Variants in LHX4 observed in about 807,000 individuals in gnomAD.
LHX4 encodes LIM homeobox 4, also known as LIM/homeobox protein Lhx4.
Under a neutral mutation model 39.2 loss-of-function variants are expected in LHX4, and 16 were observed. That is an observed-to-expected ratio of 0.41 (90% CI 0.28 to 0.62). The LOEUF (loss-of-function observed/expected upper bound fraction) is 0.62, where lower values mean the gene tolerates loss of function less well. Among genes scored for constraint, LHX4 ranks in the 20% least tolerant of loss-of-function variants. LHX4 has a pLI of 0.33. For synonymous variants in LHX4, 206 were observed against 198.1 expected, an observed-to-expected ratio of 1.04 and a Z score of -0.33; for missense variants, 439 against 511.9, an observed-to-expected ratio of 0.86 and a Z score of 1.37.
upstream of LHX4, among the ~76,000 whole-genome samples, chr1:180,229,750 G>A (rs1252881111): frequency 6.6e-6 from 1 of 151,396 alleles, no homozygotes; most frequent in Admixed American, 6.6e-5. Context: ...CGGACCGCCT[G>A]CCCCGCTCGG....
chr1:180,250,757 T>A (rs1170264365), intron 2 of LHX4, among the ~76,000 whole-genome samples: 6 of 152,018 alleles, frequency 3.9e-5, no homozygotes. Context: ...TGGCTATGGT[T>A]TGGAAAGAGA....
At chr1:180,256,449 G>A (rs769748375) in intron 2 of LHX4, among the ~76,000 whole-genome samples, 54 of 152,194 alleles carry the variant, frequency 3.5e-4, no homozygotes, top group Admixed American at 5.2e-4. Context: ...GGTCTCTGGT[G>A]GGCACTGTGG....
intron 1 of LHX4, among the ~76,000 whole-genome samples, chr1:180,231,601 C>T (rs1406276524): frequency 6.7e-6 from 1 of 149,328 alleles, no homozygotes; most frequent in African/African-American, 2.5e-5. Context: ...AGAGTCCTGC[C>T]CCTGTGGCTT....
intron 2 of LHX4, among the ~76,000 whole-genome samples, chr1:180,252,575 G>C (rs1233685945): frequency 6.6e-6 from 1 of 152,174 alleles, no homozygotes; most frequent in Non-Finnish European, 1.5e-5. Flanking sequence ...CTAAGTTCCT[G>C]GATCAATACT....
intron 2 of LHX4, among the ~76,000 whole-genome samples, chr1:180,261,090 C>T (rs1277506502): frequency 6.6e-6 from 1 of 151,856 alleles, no homozygotes; most frequent in Non-Finnish European, 1.5e-5. Flanking sequence ...GGACTTAATG[C>T]CCTTCTTAGA....
chr1:180,252,685 C>T (rs1465733385), intron 2 of LHX4, among the ~76,000 whole-genome samples: 3 of 152,168 alleles, frequency 2.0e-5, no homozygotes, highest in South Asian at 2.1e-4. Context: ...CAGATCAATA[C>T]GGAGATACGG....
At chr1:180,259,128 G>GAGGAGC (rs1334651331) in intron 2 of LHX4, among the ~76,000 whole-genome samples, 1 of 152,020 alleles carries the variant, frequency 6.6e-6, no homozygotes, top group African/African-American at 2.4e-5. Flanking sequence ...GTGGGAGGAG[G>GAGGAGC]AGGAGCAGGA....
intron 5 of LHX4, 146 bp downstream of exon 5, chr1:180,272,152 T>C: frequency 1.4e-6 from 1 of 708,788 alleles, no homozygotes; most frequent in Non-Finnish European, 2.3e-6. Context: ...CAGTGAAGGG[T>C]GGGGGAAATG....
intron 1 of LHX4, among the ~76,000 whole-genome samples, chr1:180,236,231 A>G (rs1279479658): frequency 6.6e-6 from 1 of 152,168 alleles, no homozygotes; most frequent in Non-Finnish European, 1.5e-5. Context: ...CCGGGAAACC[A>G]GCAAAGCAAT....
At chr1:180,241,965 AC>A (rs1664452123) in intron 1 of LHX4, among the ~76,000 whole-genome samples, 1 of 150,566 alleles carries the variant, frequency 6.6e-6, no homozygotes, top group Non-Finnish European at 1.5e-5. Flanking sequence ...CTACAGGTGC[AC>A]CCGACTATGC....
rs1209884422 is a variant in LHX4 at position 180,248,530 on chromosome 1, A to G, written c.248+74A>G. On this transcript the variant is annotated intron_variant, in intron 2 of 5. Transcript: ENST00000263726. The stretch of plus-strand genomic sequence containing the variant: ...CCCAAGCAGTGAGGGGGAAGTTTGC[A>G]GCAGGGTAGGCCAGGGAGGGTGGAG... 1.9e-6 allele frequency: 3 copies of G among 1,548,814 alleles called. No individual in the cohort carries two copies. In the African/African-American group the frequency reaches 4.1e-5, roughly 21 times the overall value.
chr1:180,263,278 T>A (rs1380383853), intron 2 of LHX4, among the ~76,000 whole-genome samples: 3 of 152,258 alleles, frequency 2.0e-5, no homozygotes, highest in Non-Finnish European at 4.4e-5. Context: ...GTCTCATTAT[T>A]GCCTGTCGCA....
intron 3 of LHX4, among the ~76,000 whole-genome samples, chr1:180,267,328 G>C (rs1222283525): frequency 6.6e-6 from 1 of 152,282 alleles, no homozygotes; most frequent in Non-Finnish European, 1.5e-5. Flanking sequence ...GCCGAAGTCA[G>C]GTCCCGCATT....
chr1:180,250,558 G>A (rs1647585328), intron 2 of LHX4, among the ~76,000 whole-genome samples: 2 of 152,216 alleles, frequency 1.3e-5, no homozygotes, highest in South Asian at 4.1e-4. Context: ...CAGGGTAGGT[G>A]CTGGATGTCC....
chr1:180,250,207 A>C (rs1323603878), intron 2 of LHX4, among the ~76,000 whole-genome samples: 1 of 151,872 alleles, frequency 6.6e-6, no homozygotes, highest in East Asian at 1.9e-4. Context: ...CCCTCTAGCC[A>C]CATCCTTTCC....
chr1:180,230,210 A>T, upstream of LHX4: 4 of 412,258 alleles, frequency 9.7e-6, no homozygotes, highest in South Asian at 9.6e-5. The surrounding 1 kb of genome is among the most constrained non-coding windows in gnomAD (Gnocchi z 5.8). Context: ...CGGCACGCGA[A>T]GGGTGGAGGG....
intron 2 of LHX4, among the ~76,000 whole-genome samples, chr1:180,249,920 TGA>T (rs953393357): frequency 1.1e-4 from 17 of 151,386 alleles, no homozygotes; most frequent in South Asian, 4.2e-4. Context: ...ACAGTGTGTG[TGA>T]GAGTGTGTGT....
At chr1:180,240,563 C>A (rs767456300) in intron 1 of LHX4, among the ~76,000 whole-genome samples, 46 of 152,268 alleles carry the variant, frequency 3.0e-4, no homozygotes, top group Admixed American at 1.0e-3. Context: ...TAGAAAACAC[C>A]ATTTTTCAAA....
chr1:180,229,862 C>T (rs1447929428), upstream of LHX4, among the ~76,000 whole-genome samples: 1 of 151,576 alleles, frequency 6.6e-6, no homozygotes, highest in Admixed American at 6.6e-5. Context: ...ACCCAGGGCG[C>T]CGCCGTCTCC....
Sources: allele counts gnomAD v4.1 joint callset (sites outside exome capture counted in the v4.1 genomes callset), GRCh38; gene constraint gnomAD v4.1.1; non-coding constraint Gnocchi (gnomAD v3.1); transcripts MANE v1.5; gene names NCBI Gene and HGNC (gene_info 2026-07-23, HGNC 2026-07-21).